The following TLE6 variants were observed in gnomAD, a reference collection of about 807,000 sequenced individuals.
The protein encoded by TLE6 is TLE family member 6, subcortical maternal complex member.
TLE6 carries 72 observed loss-of-function variants against 77.1 expected under a neutral mutation model. That is an observed-to-expected ratio of 0.93 (90% CI 0.77 to 1.14). The LOEUF is 1.14. Ranked by LOEUF, TLE6 falls within the 50% of genes most tolerant of loss-of-function variation. The pLI is 0.00. For synonymous variants in TLE6, 366 were observed against 287.3 expected (o/e 1.27, Z -2.77); for missense variants, 843 against 747.6 (o/e 1.13, Z -1.49).
chr19:2,982,676 A>G (rs2088824105), intron 5 of TLE6, among the ~76,000 whole-genome samples: 1 of 152,012 alleles, frequency 6.6e-6, no homozygotes, highest in Non-Finnish European at 1.5e-5. Context: ...GACTGCTGGC[A>G]GAGGAGGGAC....
At chr19:2,983,735 C>G (rs994018266) in intron 5 of TLE6, among the ~76,000 whole-genome samples, 1 of 151,984 alleles carries the variant, frequency 6.6e-6, no homozygotes, top group Non-Finnish European at 1.5e-5. Context: ...AGAGGGCAGG[C>G]CCTGGCTACT....
At chr19:2,993,148 G>A (rs1340351281) in intron 14 of TLE6, among the ~76,000 whole-genome samples, 5 of 149,694 alleles carry the variant, frequency 3.3e-5, no homozygotes, top group African/African-American at 1.3e-4. Flanking sequence ...GGAGGCAGAC[G>A]TTGTCGTAAG....
rs755219460 is a variant in TLE6 at position 2,994,065 on chromosome 19, C to T, written c.1584C>T (p.Tyr528=). ...GAATGGACGACTTCCTTGGCGTCTA[C>T]AGCATGCCGGCGGGGACAAAAGTGT... is the stretch of plus-strand genomic sequence containing the variant. ...SVGMDDFLGV[Y]SMPAGTKVFE... is the part of the protein sequence containing the mutation. The change falls in exon 16 of 17, where the codon TAC becomes TAT. Residue 528 remains tyrosine (Y), a synonymous_variant. Coordinates refer to ENST00000246112, the MANE Select transcript of TLE6 (RefSeq NM_001143986.2). 5.7e-5 allele frequency: 91 copies of T among 1,608,208 alleles called. No homozygotes were observed. Among genetic ancestry groups the T allele is most frequent in the Non-Finnish European group, 7.0e-5 (82 of 1,177,928 alleles).
chr19:2,982,384 A>G (rs1029437997), intron 5 of TLE6, among the ~76,000 whole-genome samples, 195 bp downstream of exon 5: 7 of 151,902 alleles, frequency 4.6e-5, no homozygotes, highest in African/African-American at 1.7e-4. Context: ...CTAAAAATAA[A>G]AAAATTAGCC....
intron 2 of TLE6, among the ~76,000 whole-genome samples, chr19:2,979,321 A>G (rs984098090): frequency 6.6e-6 from 1 of 150,506 alleles, no homozygotes; most frequent in Non-Finnish European, 1.5e-5. Flanking sequence ...ATCTCGGCTC[A>G]CTGCAACCTC....
intron 14 of TLE6, among the ~76,000 whole-genome samples, chr19:2,992,238 C>G (rs915136120): frequency 6.6e-6 from 1 of 151,896 alleles, no homozygotes; most frequent in Non-Finnish European, 1.5e-5. Context: ...TTTTGGAGGC[C>G]GAGGAGGGCA....
In TLE6 at chr19:2,978,260, C is replaced by T; in HGVS notation, c.27C>T (p.Pro9=). 6.4e-7 allele frequency: 1 copy of T among 1,551,526 alleles called. No individual in the cohort carries two copies. The highest frequency in any genetic ancestry group is 8.7e-7 in the Non-Finnish European group (1 of 1,146,972). The change falls in exon 2 of 17, where the codon CCC becomes CCT. Residue 9 remains proline, a synonymous_variant. Coordinates refer to ENST00000246112, the MANE Select transcript of TLE6 (RefSeq NM_001143986.2). Reference sequence around the variant, plus strand: ...TGACCTCTAGGGACCAGCCCAGACCCAAGGGCCCCCCGAAAAGCACTTCGG... The same window carrying T: ...TGACCTCTAGGGACCAGCCCAGACCTAAGGGCCCCCCGAAAAGCACTTCGG... MTSRDQPR[P]KGPPKSTSPC...
intron 8 of TLE6, 67 bp from the exon 9 acceptor site, chr19:2,987,657 G>A: frequency 6.3e-7 from 1 of 1,578,562 alleles, no homozygotes; most frequent in Non-Finnish European, 8.7e-7. Flanking sequence ...AAGCTGCCCA[G>A]GAATCCGAGG....
intron 13 of TLE6, 55 bp downstream of exon 13, chr19:2,989,840 C>T (rs903724545): frequency 3.1e-6 from 5 of 1,593,936 alleles, no homozygotes; most frequent in Non-Finnish European, 4.3e-6. Context: ...CTGTGGCCAC[C>T]TCTGCCCACC....
intron 13 of TLE6, among the ~76,000 whole-genome samples, chr19:2,990,692 CATAAAT>C (rs1253590345): frequency 2.7e-5 from 3 of 110,056 alleles, no homozygotes; most frequent in African/African-American, 4.6e-5. Flanking sequence ...TAAATATATA[CATAAAT>C]ATATACATAT....
chr19:2,984,242 G>C (rs927827723), intron 5 of TLE6: 11 of 152,334 alleles, frequency 7.2e-5, no homozygotes, highest in African/African-American at 2.6e-4. Context: ...TTAACGAGGC[G>C]GGGTGAATTG....
At chr19:2,979,918 T>G (rs1039965806) in intron 2 of TLE6, among the ~76,000 whole-genome samples, 182 bp from the exon 3 acceptor site, 24 of 146,652 alleles carry the variant, frequency 1.6e-4, no homozygotes, top group African/African-American at 5.0e-4. Context: ...GAGCTGAGAT[T>G]GTGCCACTGC....
chr19:2,995,010 C>G lies in TLE6; in HGVS notation c.*6C>G. 1 of 1,583,546 alleles carries G rather than the reference C, an allele frequency of 6.3e-7. No individual in the cohort carries two copies. The highest frequency in any genetic ancestry group is 8.6e-7 in the Non-Finnish European group (1 of 1,161,522). On this transcript the variant is annotated 3_prime_UTR_variant, in exon 17 of 17. Coordinates refer to ENST00000246112, the MANE Select transcript of TLE6 (RefSeq NM_001143986.2). Reference sequence around the variant, plus strand: ...TGTACCAGATCACCTACTGAGGGGCCTCGCTGCTGTCATCCCACTCCGGCT... The same window carrying G: ...TGTACCAGATCACCTACTGAGGGGCGTCGCTGCTGTCATCCCACTCCGGCT...
intron 13 of TLE6, among the ~76,000 whole-genome samples, chr19:2,990,008 C>T (rs377285617): frequency 7.2e-4 from 109 of 152,252 alleles, no homozygotes; most frequent in African/African-American, 2.5e-3. Flanking sequence ...CAGCCCAGGG[C>T]ATTTTACTTT....
chr19:2,987,545 G>A, intron 8 of TLE6, 173 bp downstream of exon 8: 4 of 1,125,398 alleles, frequency 3.6e-6, no homozygotes, highest in Non-Finnish European at 5.2e-6. Flanking sequence ...AGTAGCCCAG[G>A]ACCCACAGCC....
intron 4 of TLE6, among the ~76,000 whole-genome samples, chr19:2,981,912 C>T (rs895330144): frequency 5.3e-5 from 8 of 151,750 alleles, no homozygotes; most frequent in Admixed American, 4.6e-4. Context: ...GCAGAGGTTG[C>T]GGTGAACTGA....
At position 2,994,874 on chromosome 19, in the gene TLE6, C is replaced by G. The variant is rs200318234; in HGVS notation, c.1615-26C>G. ...CAGGGGTGTGTGAGCCCTACCCCAG[C>G]TCACTGCCCACTGCCCCCCCTCCAG... On this transcript the variant is annotated intron_variant, in intron 16 of 16. Transcript: ENST00000246112. 161 of 1,455,412 alleles carry G rather than the reference C, an allele frequency of 1.1e-4. No individual in the cohort carries two copies. In the East Asian group the frequency reaches 3.1e-3, roughly 28 times the overall value. 90.2% of individuals were successfully genotyped at this position (1,455,412 alleles called of 1,614,324 possible). A position where few individuals can be genotyped will look rare whatever the true frequency, so the allele number is the denominator to read the frequency against.
chr19:2,986,940 G>C (rs1032523660), intron 6 of TLE6, 43 bp from the exon 7 acceptor site: 2 of 1,556,216 alleles, frequency 1.3e-6, no homozygotes, highest in Admixed American at 2.0e-5. Context: ...TTGGGTGAAG[G>C]CTCATCCTCA....
At chr19:2,985,781 A>C (rs1311381006) in intron 5 of TLE6, among the ~76,000 whole-genome samples, 1 of 150,120 alleles carries the variant, frequency 6.7e-6, no homozygotes, top group Non-Finnish European at 1.5e-5. Flanking sequence ...AACATCCCAA[A>C]AAGAGTAGCT....
Sources: gnomAD v4.1 joint callset for allele counts (sites outside exome capture counted in the v4.1 genomes callset) on GRCh38, gnomAD v4.1.1 for gene constraint, MANE v1.5 for transcripts, NCBI Gene and HGNC (gene_info 2026-07-23, HGNC 2026-07-21) for gene names.